The following SPNS2 variants were observed in gnomAD, a reference collection of about 807,000 sequenced individuals.
SPNS2 encodes SPNS lysolipid transporter 2, sphingosine-1-phosphate.
SPNS2 carries 37 observed loss-of-function variants against 57.6 expected under a neutral mutation model. The ratio of observed to expected loss-of-function variants is 0.64; its 90% CI spans 0.49 to 0.85. The LOEUF (loss-of-function observed/expected upper bound fraction) is 0.85. SPNS2 is among the 40% of genes least tolerant of loss of function. SPNS2 has a pLI of 0.00. For synonymous variants in SPNS2, 440 were observed against 346.9 expected, an observed-to-expected ratio of 1.27 and a Z score of -2.98; for missense variants, 831 against 779.1, an observed-to-expected ratio of 1.07 and a Z score of -0.79.
At chr17:4,528,826 T>G (rs917581407) in intron 3 of SPNS2, among the ~76,000 whole-genome samples, 1 of 152,132 alleles carries the variant, frequency 6.6e-6, no homozygotes, top group African/African-American at 2.4e-5. Flanking sequence ...TAGGCTGATA[T>G]GCAGTGGTGT....
chr17:4,530,010 G>C (rs1279550559), intron 3 of SPNS2, among the ~76,000 whole-genome samples: 3 of 152,180 alleles, frequency 2.0e-5, no homozygotes, highest in Non-Finnish European at 4.4e-5. Flanking sequence ...CCGGGCAGCT[G>C]GGGGACGGAG....
At chr17:4,522,461 C>T (rs1905163486) in intron 2 of SPNS2, among the ~76,000 whole-genome samples, 1 of 152,194 alleles carries the variant, frequency 6.6e-6, no homozygotes, top group African/African-American at 2.4e-5. Flanking sequence ...CCCACGCGCA[C>T]TCACTGGCCT....
intron 3 of SPNS2, among the ~76,000 whole-genome samples, chr17:4,527,760 C>G (rs1270254760): frequency 6.6e-6 from 1 of 152,164 alleles, no homozygotes; most frequent in Non-Finnish European, 1.5e-5. Context: ...GTGATCAAAG[C>G]TGTGGGGAAT....
intron 2 of SPNS2, among the ~76,000 whole-genome samples, chr17:4,519,389 G>A (rs1380433726): frequency 2.6e-5 from 4 of 152,124 alleles, no homozygotes; most frequent in Non-Finnish European, 5.9e-5. Flanking sequence ...CCGAGGGCCC[G>A]TGGGGGTTCT....
At chr17:4,527,484 C>T (rs1905288681) in intron 3 of SPNS2, among the ~76,000 whole-genome samples, 1 of 152,168 alleles carries the variant, frequency 6.6e-6, no homozygotes, top group Admixed American at 6.5e-5. Flanking sequence ...AGAATAAAGT[C>T]CCGATAGGGG....
At position 4,537,559 on chromosome 17, in the gene SPNS2, C is replaced by T. The variant is rs573913864; in HGVS notation, c.*111C>T. ...CCAAAGCTTTCTGTGTGATCCACGG[C>T]TAGGCACCCACCCTCTCTGGCCCAG... On this transcript the variant is annotated 3_prime_UTR_variant, in exon 13 of 13. Coordinates refer to ENST00000329078, the MANE Select transcript of SPNS2 (RefSeq NM_001124758.3). 2 of 456,786 alleles carry T rather than the reference C, an allele frequency of 4.4e-6. No homozygotes were observed. Among genetic ancestry groups the T allele is most frequent in the East Asian group, 6.9e-5 (1 of 14,400 alleles). The allele number at this position is 456,786 out of a possible 1,614,324, so 28.3% of individuals were successfully genotyped here. A position where few individuals can be genotyped will look rare whatever the true frequency, so the allele number is the denominator to read the frequency against.
intron 1 of SPNS2, among the ~76,000 whole-genome samples, chr17:4,508,173 A>G (rs1904731056): frequency 6.6e-6 from 1 of 152,174 alleles, no homozygotes; most frequent in Non-Finnish European, 1.5e-5. Flanking sequence ...GGTAGACGCG[A>G]CTTTGGATCT....
At chr17:4,535,407 A>C (rs1271837405) in intron 9 of SPNS2, among the ~76,000 whole-genome samples, 2 of 152,112 alleles carry the variant, frequency 1.3e-5, no homozygotes, top group Non-Finnish European at 2.9e-5. Context: ...ATGGGTCTTT[A>C]GCTTGATGGG....
rs749987952 is a variant in SPNS2 at position 4,512,751 on chromosome 17, T to C, written c.371-496T>C. Among the ~76,000 whole-genome samples, 9 of 151,540 alleles carry C rather than the reference T, an allele frequency of 5.9e-5. No homozygotes were observed. Among genetic ancestry groups the C allele is most frequent in the Non-Finnish European group, 1.3e-4 (9 of 67,882 alleles). ...GCAGGTGTGTGTGTGCATGTACAGG[T>C]GTGTGCGTGTGTGTGCGAATGTGGT... On this transcript the variant is annotated intron_variant, in intron 1 of 12. Coordinates refer to ENST00000329078, the MANE Select transcript of SPNS2 (RefSeq NM_001124758.3). This position sits in a 1 kb window ranked among gnomAD's most constrained non-coding sequence, Gnocchi z 5.2.
At chr17:4,536,797 G>C (rs1341104361) in intron 11 of SPNS2, 103 bp from the exon 12 acceptor site, 1 of 962,036 alleles carries the variant, frequency 1.0e-6, no homozygotes, top group South Asian at 1.3e-5. Context: ...TCCCTGCCCA[G>C]CACCTCCGGT....
intron 3 of SPNS2, among the ~76,000 whole-genome samples, chr17:4,529,727 A>C (rs1275179681): frequency 6.6e-6 from 1 of 152,144 alleles, no homozygotes; most frequent in African/African-American, 2.4e-5. Context: ...CCACCAGAAA[A>C]ACAGGCCAAG....
At chr17:4,514,695 G>C (rs1904942294) in intron 2 of SPNS2, among the ~76,000 whole-genome samples, 2 of 152,226 alleles carry the variant, frequency 1.3e-5, no homozygotes, top group African/African-American at 2.4e-5. Flanking sequence ...ACCCCTTCCT[G>C]GGTCTCCCTG....
chr17:4,520,025 C>T (rs1487476454), intron 2 of SPNS2, among the ~76,000 whole-genome samples: 2 of 152,240 alleles, frequency 1.3e-5, no homozygotes, highest in Non-Finnish European at 2.9e-5. Flanking sequence ...CCCTCCTGAC[C>T]CTGGACTGCC....
Position 4,525,238 on chromosome 17 carries a change from C to T in SPNS2, c.573+45C>T, listed in dbSNP as rs190484230. 1,759 of 1,600,870 alleles carry T rather than the reference C, an allele frequency of 1.1e-3. 23 individuals carry two copies. In the African/African-American group the frequency reaches 0.02, roughly 18 times the overall value. On this transcript the variant is annotated intron_variant, in intron 3 of 12. Coordinates refer to ENST00000329078, the MANE Select transcript of SPNS2 (RefSeq NM_001124758.3). ...CTCCCCGACCCCTGTGTCCTGGTCCCTCCAGCGAGTGGCTAGTCTTATTGG... is the reference window on the plus strand; with the variant it reads ...CTCCCCGACCCCTGTGTCCTGGTCCTTCCAGCGAGTGGCTAGTCTTATTGG...
At chr17:4,533,649 A>AGCCCATGAAT in intron 8 of SPNS2, 139 bp from the exon 9 acceptor site, 1 of 1,077,208 alleles carries the variant, frequency 9.3e-7, no homozygotes, top group East Asian at 2.5e-5. Flanking sequence ...GTCTCTGGAT[A>AGCCCATGAAT]GCCCATGAAT....
At chr17:4,513,417 C>G in intron 2 of SPNS2, 105 bp downstream of exon 2, 1 of 1,253,748 alleles carries the variant, frequency 8.0e-7, no homozygotes, top group Non-Finnish European at 1.1e-6. Flanking sequence ...CCTGTCCTGA[C>G]TCCTGGAAAG....
intron 2 of SPNS2, among the ~76,000 whole-genome samples, chr17:4,513,645 G>A (rs1424033838): frequency 6.6e-6 from 1 of 152,186 alleles, no homozygotes; most frequent in Non-Finnish European, 1.5e-5. Flanking sequence ...CCTGAGGCTG[G>A]TGCAGGGAGC....
intron 2 of SPNS2, among the ~76,000 whole-genome samples, chr17:4,517,637 C>A (rs1905028660): frequency 6.6e-6 from 1 of 151,894 alleles, no homozygotes; most frequent in African/African-American, 2.4e-5. Context: ...GCCTGGGTAA[C>A]AAGACCAAGA....
At chr17:4,524,559 C>G (rs1426824720) in intron 2 of SPNS2, among the ~76,000 whole-genome samples, 1 of 152,172 alleles carries the variant, frequency 6.6e-6, no homozygotes, top group Non-Finnish European at 1.5e-5. Flanking sequence ...TGGCGCATGC[C>G]TGTAATGCCA....
Sources: allele counts gnomAD v4.1 joint callset (sites outside exome capture counted in the v4.1 genomes callset), GRCh38; gene constraint gnomAD v4.1.1; non-coding constraint Gnocchi (gnomAD v3.1); transcripts MANE v1.5; gene names NCBI Gene and HGNC (gene_info 2026-07-23, HGNC 2026-07-21).